The following ATP7A variants were observed in gnomAD, a reference collection of about 807,000 sequenced individuals.
ATP7A encodes the protein copper-transporting ATPase 1.
In ATP7A, 7 loss-of-function variants were observed where a neutral mutation model predicts 83.5. The ratio of observed to expected loss-of-function variants is 0.08; its 90% CI spans 0.05 to 0.16. The LOEUF (loss-of-function observed/expected upper bound fraction) is 0.16, where lower values mean the gene tolerates loss of function less well. ATP7A is among the 10% of genes least tolerant of loss of function. The pLI is 1.00. For missense variants in ATP7A, 940 were observed against 1,120.8 expected, an observed-to-expected ratio of 0.84 and a Z score of 2.30; for synonymous variants, 354 against 395.2, an observed-to-expected ratio of 0.90 and a Z score of 1.24.
chrX:77,962,774 A>G (rs189481711), intron 1 of ATP7A: 1 of 387,839 alleles, frequency 2.6e-6, no homozygotes, highest in African/African-American at 2.6e-5. Flanking sequence ...TTGAAGCCAT[A>G]TCTACAGTAT....
chrX:78,010,831 G>T (rs898920059), intron 7 of ATP7A, among the ~76,000 whole-genome samples: 3 of 109,790 alleles, frequency 2.7e-5, no homozygotes, highest in Non-Finnish European at 5.7e-5. Context: ...TGCCCACCTT[G>T]GCCTCCCAAA....
chrX:78,001,617 T>G (rs969379471), intron 5 of ATP7A, among the ~76,000 whole-genome samples: 11 of 111,855 alleles, frequency 9.8e-5, no homozygotes, highest in African/African-American at 3.6e-4. Context: ...CCTGTTTACT[T>G]ATTTAAAGCT....
At chrX:78,003,865 C>T (rs1343815820) in intron 6 of ATP7A, among the ~76,000 whole-genome samples, 2 of 111,037 alleles carry the variant, frequency 1.8e-5, no homozygotes, top group Non-Finnish European at 3.8e-5. Context: ...TCACTTAAAC[C>T]CAGGCGGCGG....
intron 21 of ATP7A, among the ~76,000 whole-genome samples, chrX:78,045,094 C>T (rs2078075326): frequency 8.9e-6 from 1 of 112,247 alleles, no homozygotes; most frequent in South Asian, 3.7e-4. Flanking sequence ...TCTGTGAAAA[C>T]CAAGTGTGGA....
chrX:78,002,225 A>G (rs1268322558), intron 5 of ATP7A, among the ~76,000 whole-genome samples: 4 of 106,225 alleles, frequency 3.8e-5, no homozygotes, highest in African/African-American at 1.4e-4. Context: ...ATGCACCACC[A>G]TGCCCAGCTA....
chrX:77,911,734 A>T (rs1398394077), intron 1 of ATP7A, among the ~76,000 whole-genome samples: 1 of 110,891 alleles, frequency 9.0e-6, no homozygotes, highest in Non-Finnish European at 1.9e-5. Flanking sequence ...ACCTGAGGTC[A>T]GGAGATCGAG....
At position 78,011,629 on chromosome X, in the gene ATP7A, G is replaced by C. The variant is rs781988033; in HGVS notation, c.2127G>C (p.Leu709Phe). 1.7e-6 allele frequency: 2 copies of C among 1,209,330 alleles called. No homozygotes were observed. Among genetic ancestry groups the C allele is most frequent in the Non-Finnish European group, 2.2e-6 (2 of 894,985 alleles). The change falls in exon 9 of 23, where the codon TTG (leucine) becomes TTC (phenylalanine). Residue 709 changes from leucine (L) to phenylalanine (F), a missense_variant. Leu to Phe is a conservative substitution (Grantham distance 22). This residue lies in a region of ATP7A where 204 missense variants were observed against 185.8 expected (regional missense o/e 1.10). Coordinates refer to ENST00000341514, the MANE Select transcript of ATP7A (RefSeq NM_000052.7). Reference protein sequence around the residue: ...MFLERQILPGLSVMNLLSFLL... With the variant: ...MFLERQILPGFSVMNLLSFLL... ...TGGAGCGCCAGATTCTTCCAGGATT[G>C]TCTGTTATGAATTTGCTGTCCTTTT...
intron 2 of ATP7A, chrX:77,975,738 G>C (rs984521551): frequency 1.8e-5 from 2 of 110,762 alleles, no homozygotes; most frequent in African/African-American, 6.6e-5. Context: ...TGATCCGCCC[G>C]CCTCGGCCTC....
At chrX:78,031,080 C>T (rs1031880277) in intron 15 of ATP7A, among the ~76,000 whole-genome samples, 14 of 111,331 alleles carry the variant, frequency 1.3e-4, no homozygotes, top group African/African-American at 4.6e-4. Flanking sequence ...TTCTTTTTTA[C>T]CTTGAGGCAC....
Position 78,012,875 on chromosome X carries a change from G to T in ATP7A, c.2173-4G>T, listed in dbSNP as rs781804954. On this transcript the variant is annotated splice_polypyrimidine_tract_variant and splice_region_variant and intron_variant, in intron 9 of 22. Coordinates refer to ENST00000341514, the MANE Select transcript of ATP7A (RefSeq NM_000052.7). ...ATTCAATGATTATCATTCCTATATT[G>T]CAGTTTTTCGGAGGCTGGTACTTCT... 2 of 1,191,869 alleles carry T rather than the reference G, an allele frequency of 1.7e-6. No individual in the cohort carries two copies. The highest frequency in any genetic ancestry group is 5.9e-5 in the East Asian group (2 of 33,747).
chrX:77,997,158 C>T (rs1434384906), intron 4 of ATP7A, among the ~76,000 whole-genome samples: 1 of 112,022 alleles, frequency 8.9e-6, no homozygotes, highest in Non-Finnish European at 1.9e-5. Context: ...GTACACGTAC[C>T]TCCTGAATCT....
chrX:78,044,146 C>G (rs1415769485), intron 21 of ATP7A, among the ~76,000 whole-genome samples: 2 of 105,106 alleles, frequency 1.9e-5, no homozygotes, highest in Non-Finnish European at 3.9e-5. Context: ...CCCAGCTACT[C>G]GGGAGACGGA....
At chrX:77,999,739 A>T (rs1307838458) in intron 5 of ATP7A, among the ~76,000 whole-genome samples, 1 of 110,629 alleles carries the variant, frequency 9.0e-6, no homozygotes, top group African/African-American at 3.3e-5. Context: ...CCCCATCTCT[A>T]CTAAAAATAC....
chrX:77,943,748 C>T lies in ATP7A; in HGVS notation c.-21-27873C>T, dbSNP rs782697710. ...CCTTTACTAGTCACAGATATGCTTC[C>T]ATGTCAGTATATGCAGATTTAGCTT... On this transcript the variant is annotated intron_variant, in intron 1 of 22. Coordinates refer to ENST00000341514, the MANE Select transcript of ATP7A (RefSeq NM_000052.7). Among the ~76,000 whole-genome samples the T allele has an allele frequency of 6.3e-5, 7 of 111,922 alleles. No individual in the cohort carries two copies. The South Asian group carries it at 2.6e-3, about 41-fold the overall frequency.
chrX:77,935,962 C>T (rs1332101637), intron 1 of ATP7A, among the ~76,000 whole-genome samples: 1 of 112,639 alleles, frequency 8.9e-6, no homozygotes, highest in Non-Finnish European at 1.9e-5. Flanking sequence ...TTTTATTTTA[C>T]AGACTTGGAG....
At chrX:77,920,929 A>G (rs2077210568) in intron 1 of ATP7A, among the ~76,000 whole-genome samples, 1 of 111,889 alleles carries the variant, frequency 8.9e-6, no homozygotes, top group African/African-American at 3.3e-5. Context: ...CACCAACAGT[A>G]CCTAAGCATT....
chrX:77,989,742 C>A lies in ATP7A; in HGVS notation c.1120C>A (p.Pro374Thr). 8.3e-7 allele frequency: 1 copy of A among 1,211,228 alleles called. No individual in the cohort carries two copies. The highest frequency in any genetic ancestry group is 1.1e-6 in the Non-Finnish European group (1 of 895,144). The change falls in exon 4 of 23, where the codon CCT (proline) becomes ACT (threonine). Residue 374 changes from proline to threonine, a missense_variant. By Grantham distance (38) the Pro-to-Thr change is conservative (BLOSUM62 -1). Around this residue, in one of 3 missense-constraint regions of ATP7A, gnomAD observed 350 missense variants for 432.8 expected, o/e 0.81. Coordinates refer to ENST00000341514, the MANE Select transcript of ATP7A (RefSeq NM_000052.7). ...GATTCCTTTGAATGTAGTTAGCCAG[C>A]CTCTGACACAAGAAACTGTGATAAA... ...QKIPLNVVSQPLTQETVINID... is the reference protein window; with the variant it reads ...QKIPLNVVSQTLTQETVINID...
intron 1 of ATP7A, chrX:77,969,748 C>T: frequency 1.1e-6 from 1 of 917,467 alleles, no homozygotes. Context: ...TTTCCCCTCA[C>T]CAGAGGAACC....
chrX:77,980,224 C>A (rs1475768719), intron 2 of ATP7A, among the ~76,000 whole-genome samples: 1 of 111,284 alleles, frequency 9.0e-6, no homozygotes, highest in Non-Finnish European at 1.9e-5. Flanking sequence ...GACCACCTCA[C>A]GGATCACGAG....
Sources: allele counts gnomAD v4.1 joint callset (sites outside exome capture counted in the v4.1 genomes callset), GRCh38; gene constraint gnomAD v4.1.1; regional missense constraint gnomAD v4.1.1; transcripts MANE v1.5; gene names NCBI Gene and HGNC (gene_info 2026-07-23, HGNC 2026-07-21).